DYNC2H1: variants seen among roughly 807,000 people sequenced by gnomAD.
DYNC2H1 encodes cytoplasmic dynein 2 heavy chain 1.
A neutral mutation model predicts 570.0 loss-of-function variants in DYNC2H1; 410 were observed. The ratio of observed to expected loss-of-function variants is 0.72; its 90% CI spans 0.66 to 0.78. The LOEUF (loss-of-function observed/expected upper bound fraction) is 0.78. DYNC2H1 is among the 30% of genes least tolerant of loss of function. The pLI is 0.00. For missense variants in DYNC2H1, 4,865 were observed against 5,046.4 expected (o/e 0.96, Z 1.09); for synonymous variants, 1,688 against 1,677.6 (o/e 1.01, Z -0.15).
chr11:103,430,510 G>A (rs1302380829), intron 84 of DYNC2H1, among the ~76,000 whole-genome samples: 1 of 151,564 alleles, frequency 6.6e-6, no homozygotes, highest in African/African-American at 2.4e-5. Context: ...TTGCAGTTTC[G>A]TCTTCCTAAT....
At chr11:103,430,065 G>T (rs1423201761) in intron 84 of DYNC2H1, among the ~76,000 whole-genome samples, 1 of 152,128 alleles carries the variant, frequency 6.6e-6, no homozygotes, top group Non-Finnish European at 1.5e-5. Context: ...ACTCCTATTT[G>T]AGAAACAAGC....
chr11:103,276,039 G>A (rs567091405), intron 70 of DYNC2H1, among the ~76,000 whole-genome samples: 1 of 152,248 alleles, frequency 6.6e-6, no homozygotes, highest in Non-Finnish European at 1.5e-5. Context: ...TGCTGTCAGT[G>A]TTTTGGATTT....
chr11:103,346,940 G>A (rs1207718724), intron 82 of DYNC2H1, among the ~76,000 whole-genome samples: 1 of 152,166 alleles, frequency 6.6e-6, no homozygotes, highest in Non-Finnish European at 1.5e-5. Flanking sequence ...GCAAGAGAAG[G>A]ATAAGCTGTC....
intron 84 of DYNC2H1, among the ~76,000 whole-genome samples, chr11:103,412,397 T>A (rs1419624204): frequency 6.6e-6 from 1 of 152,186 alleles, no homozygotes; most frequent in Non-Finnish European, 1.5e-5. Context: ...TGTAAAATAG[T>A]TATCTTCTAC....
intron 80 of DYNC2H1, among the ~76,000 whole-genome samples, chr11:103,317,714 C>T (rs1047985991): frequency 1.1e-4 from 8 of 74,524 alleles, no homozygotes; most frequent in African/African-American, 3.1e-4. Context: ...TTCATATGGC[C>T]TTCTTCTTCC....
rs1864732051 is a variant in DYNC2H1 at position 103,249,053 on chromosome 11, A to G, written c.10042+3679A>G. On this transcript the variant is annotated intron_variant, in intron 65 of 88. Coordinates refer to ENST00000375735, the MANE Select transcript of DYNC2H1 (RefSeq NM_001377.3). The surrounding 1 kb of genome is among the most constrained non-coding windows in gnomAD (Gnocchi z 4.6). ...ACAACACAGATTCTGTGTTCAGAGGAAAAAAGTAGTCAAAATTAACTGCAT... is the reference window on the plus strand; with the variant it reads ...ACAACACAGATTCTGTGTTCAGAGGGAAAAAGTAGTCAAAATTAACTGCAT... 6.6e-6 allele frequency among the ~76,000 whole-genome samples: 1 copy of G among 151,980 alleles called. No homozygotes were observed. Among genetic ancestry groups the G allele is most frequent in the African/African-American group, 2.4e-5 (1 of 41,430 alleles).
In DYNC2H1 at chr11:103,143,394, A is replaced by C; in HGVS notation, c.2701A>C (p.Ser901Arg). Residue 901 changes from serine (S) to arginine (R), a missense_variant and splice_region_variant, in exon 18 of 89, where the codon AGT (serine) becomes CGT (arginine). Physicochemically the swap from Ser to Arg is moderately radical, Grantham distance 110. Coordinates refer to ENST00000375735, the MANE Select transcript of DYNC2H1 (RefSeq NM_001377.3). ...IKGKEVERLP[S>R]AVKVDCLNIN... ...GGGGAAAGAAGTAGAACGACTTCCA[A>C]GGTATTGGAGGTTAATGTAGTACTT... 1 of 1,608,158 alleles carries C rather than the reference A, an allele frequency of 6.2e-7. No individual in the cohort carries two copies. Among genetic ancestry groups the C allele is most frequent in the Non-Finnish European group, 8.5e-7 (1 of 1,177,804 alleles).
chr11:103,120,026 T>G (rs1858616841), intron 6 of DYNC2H1, among the ~76,000 whole-genome samples: 1 of 152,200 alleles, frequency 6.6e-6, no homozygotes, highest in Admixed American at 6.5e-5. Flanking sequence ...AAAATAGGGC[T>G]GTTAACATGT....
chr11:103,241,497 A>G lies in DYNC2H1; in HGVS notation c.9820-2196A>G, dbSNP rs1162466659. The G allele has an allele frequency of 6.3e-7, 1 of 1,588,846 alleles. No homozygotes were observed. Among genetic ancestry groups the G allele is most frequent in the Non-Finnish European group, 8.6e-7 (1 of 1,161,282 alleles). On this transcript the variant is annotated intron_variant, in intron 63 of 88. Transcript: ENST00000375735. This position sits in a 1 kb window ranked among gnomAD's most constrained non-coding sequence, Gnocchi z 5.1. ...TTTGCTAAAAACATTTTGAAATGTT[A>G]CCTTTCTTCTTTTCATTTAACTGCA...
chr11:103,453,641 T>TATATATATATATATATATATAC (rs1273661728), intron 85 of DYNC2H1, among the ~76,000 whole-genome samples: 19 of 93,188 alleles, frequency 2.0e-4, no homozygotes, highest in African/African-American at 7.3e-4. Flanking sequence ...TATATATATA[T>TATATATATATATATATATATAC]ACACACATTC....
rs1222813826 is a variant in DYNC2H1 at position 103,222,146 on chromosome 11, A to T, written c.9224A>T (p.Asp3075Val). Reference sequence around the variant, plus strand: ...CTTTTTAAAAATAAAGGCTCTTTTGATCCAAAGGTAATTTTTAAGTTATAC... The same window carrying T: ...CTTTTTAAAAATAAAGGCTCTTTTGTTCCAAAGGTAATTTTTAAGTTATAC... ...ELLFKNKGSF[D>V]PKNAKRASTA... The change falls in exon 58 of 89, where the codon GAT becomes GTT. Residue 3075 changes from aspartate (D) to valine (V), a missense_variant. By Grantham distance (152) the Asp-to-Val change is radical. Around this residue, in one of 5 missense-constraint regions of DYNC2H1, gnomAD observed 2,401 missense variants for 2,454.6 expected, o/e 0.98. Coordinates refer to ENST00000375735, the MANE Select transcript of DYNC2H1 (RefSeq NM_001377.3). The T allele has an allele frequency of 6.5e-7, 1 of 1,545,966 alleles. No homozygotes were observed. The highest frequency in any genetic ancestry group is 8.8e-7 in the Non-Finnish European group (1 of 1,139,062).
At chr11:103,312,057 A>G (rs747183955) in intron 79 of DYNC2H1, 24 bp downstream of exon 79, 1 of 1,595,804 alleles carries the variant, frequency 6.3e-7, no homozygotes. Flanking sequence ...TGTCTTGAAT[A>G]CATTCTAAGC....
chr11:103,467,833 A>G (rs1032210171), intron 87 of DYNC2H1, among the ~76,000 whole-genome samples: 4 of 152,120 alleles, frequency 2.6e-5, no homozygotes, highest in Non-Finnish European at 5.9e-5. Flanking sequence ...CACCGCGCCC[A>G]GCCGGCACTG....
chr11:103,173,203 A>T lies in DYNC2H1; in HGVS notation c.5456A>T (p.His1819Leu), dbSNP rs746559230. ...CTTTTCAGGCCCGTAGCTATGTCTCATCCAGACAATGAGCTTATTGCAGAA... is the reference window on the plus strand; with the variant it reads ...CTTTTCAGGCCCGTAGCTATGTCTCTTCCAGACAATGAGCTTATTGCAGAA... ...KQLFRPVAMS[H>L]PDNELIAEVI... Residue 1819 changes from histidine to leucine, a missense_variant, in exon 35 of 89, where the codon CAT (histidine) becomes CTT (leucine). Around this residue, in one of 5 missense-constraint regions of DYNC2H1, gnomAD observed 292 missense variants for 300.2 expected, o/e 0.97. Transcript: ENST00000375735. 4 of 1,602,650 alleles carry T rather than the reference A, an allele frequency of 2.5e-6. No homozygotes were observed. Among genetic ancestry groups the T allele is most frequent in the African/African-American group, 1.3e-5 (1 of 74,084 alleles).
intron 40 of DYNC2H1, among the ~76,000 whole-genome samples, chr11:103,183,470 C>T (rs887704718): frequency 6.6e-6 from 1 of 151,792 alleles, no homozygotes; most frequent in African/African-American, 2.4e-5. Context: ...GTTTTGAGGT[C>T]ACACCGCTGT....
At position 103,154,748 on chromosome 11, in the gene DYNC2H1, G is replaced by A. The variant is rs1565348823; in HGVS notation, c.3512G>A (p.Arg1171Lys). The change falls in exon 24 of 89, where the codon AGG (arginine) becomes AAG (lysine). Residue 1171 changes from arginine to lysine, a missense_variant. Physicochemically the swap from Arg to Lys is conservative, Grantham distance 26. Coordinates refer to ENST00000375735, the MANE Select transcript of DYNC2H1 (RefSeq NM_001377.3). ...EFLMNWHDRL[R>K]KVEEHSVMTV... ...TTGATGAACTGGCATGACAGATTAAGGAAGGTTGAAGAACATTCAGTGATG... is the reference window on the plus strand; with the variant it reads ...TTGATGAACTGGCATGACAGATTAAAGAAGGTTGAAGAACATTCAGTGATG... 6.4e-7 allele frequency: 1 copy of A among 1,571,658 alleles called. No homozygotes were observed. The highest frequency in any genetic ancestry group is 8.6e-7 in the Non-Finnish European group (1 of 1,157,764).
rs1438538823 is a variant in DYNC2H1 at position 103,223,042 on chromosome 11, G to A, written c.9309G>A (p.Leu3103=). 4 of 1,613,048 alleles carry A rather than the reference G, an allele frequency of 2.5e-6. No individual in the cohort carries two copies. In the South Asian group the frequency reaches 4.4e-5, roughly 18 times the overall value. The change falls in exon 59 of 89, where the codon TTG becomes TTA. Residue 3103 remains leucine (L), a synonymous_variant. Coordinates refer to ENST00000375735, the MANE Select transcript of DYNC2H1 (RefSeq NM_001377.3). The part of the protein sequence containing the change: ...VKANIQYSHV[L]ERIHPLETEQ... ...CCAATATTCAGTATTCCCATGTCTT[G>A]GAACGAATTCATCCTTTGGAAACTG...
chr11:103,381,856 T>C (rs1346480018), intron 83 of DYNC2H1, among the ~76,000 whole-genome samples: 1 of 152,256 alleles, frequency 6.6e-6, no homozygotes, highest in African/African-American at 2.4e-5. Context: ...TATATAACTT[T>C]TAACATTACT....
chr11:103,387,129 T>C (rs1328490386), intron 83 of DYNC2H1, among the ~76,000 whole-genome samples: 3 of 152,168 alleles, frequency 2.0e-5, no homozygotes, highest in Non-Finnish European at 2.9e-5. Context: ...AGTGTAAAAG[T>C]GCTCCTATTT....
Sources: gnomAD v4.1 joint callset for allele counts (sites outside exome capture counted in the v4.1 genomes callset) on GRCh38, gnomAD v4.1.1 for gene constraint, gnomAD v4.1.1 regional missense constraint, Gnocchi (gnomAD v3.1) non-coding constraint, MANE v1.5 for transcripts, NCBI Gene and HGNC (gene_info 2026-07-23, HGNC 2026-07-21) for gene names.